Variants in DMD observed in about 807,000 individuals in gnomAD.
DMD encodes mutant dystrophin.
Under a neutral mutation model 330.1 loss-of-function variants are expected in DMD, and 63 were observed. The observed-to-expected ratio is 0.19, with a 90% CI of 0.16 to 0.24. DMD has a LOEUF of 0.24. Among genes scored for constraint, DMD ranks in the 10% least tolerant of loss-of-function variants. DMD has a pLI of 1.00. For missense variants in DMD, 3,344 were observed against 2,684.1 expected (o/e 1.25, Z -5.43); for synonymous variants, 1,223 against 959.8 (o/e 1.27, Z -5.07).
chrX:32,453,470 T>A (rs2098342212), intron 26 of DMD, among the ~76,000 whole-genome samples: 1 of 111,185 alleles, frequency 9.0e-6, no homozygotes, highest in Non-Finnish European at 1.9e-5. Flanking sequence ...GTATGACAGA[T>A]TCGATATTTA....
intron 7 of DMD, among the ~76,000 whole-genome samples, chrX:32,777,565 A>G (rs111384723): frequency 0.02 from 2,204 of 111,006 alleles, 68 homozygotes; most frequent in African/African-American, 0.069. Context: ...ATAAACAAGA[A>G]TAAGACCTCT....
At chrX:32,853,349 TAAG>T (rs945220069) in intron 2 of DMD, among the ~76,000 whole-genome samples, 28 of 112,141 alleles carry the variant, frequency 2.5e-4, no homozygotes, top group South Asian at 1.1e-3. Flanking sequence ...ATATCTTGAA[TAAG>T]AAGAGTAAAA....
intron 2 of DMD, among the ~76,000 whole-genome samples, chrX:32,887,227 G>A (rs1188139940): frequency 1.8e-5 from 2 of 109,484 alleles, no homozygotes; most frequent in Non-Finnish European, 1.9e-5. Context: ...GGAGCCTGTA[G>A]TCCCAGCTAC....
intron 67 of DMD, among the ~76,000 whole-genome samples, chrX:31,201,477 G>C (rs2043465133): frequency 8.9e-6 from 1 of 112,844 alleles, no homozygotes; most frequent in Non-Finnish European, 1.9e-5. Context: ...TCAAAGCTTT[G>C]AGACTGAGAA....
intron 17 of DMD, among the ~76,000 whole-genome samples, chrX:32,521,131 TTC>T (rs963215216): frequency 9.8e-5 from 11 of 111,899 alleles, no homozygotes; most frequent in African/African-American, 3.2e-4. Context: ...TTGAACTTTA[TTC>T]TCTTACTTTT....
At chrX:31,259,788 G>A (rs1381817362) in intron 63 of DMD, among the ~76,000 whole-genome samples, 1 of 110,783 alleles carries the variant, frequency 9.0e-6, no homozygotes, top group Non-Finnish European at 1.9e-5. Flanking sequence ...TTCATTTTGT[G>A]AGAATCTATG....
At chrX:31,238,861 G>A (rs2047981817) in intron 63 of DMD, among the ~76,000 whole-genome samples, 1 of 111,808 alleles carries the variant, frequency 8.9e-6, no homozygotes, top group African/African-American at 3.3e-5. Context: ...AGGACCACAG[G>A]GAGGGAAACT....
At chrX:31,683,877 G>C (rs912391431) in intron 52 of DMD, among the ~76,000 whole-genome samples, 2 of 112,482 alleles carry the variant, frequency 1.8e-5, no homozygotes, top group Non-Finnish European at 3.8e-5. Context: ...GAAGCTCTGT[G>C]TTGTTCTTTC....
At chrX:32,225,832 A>G (rs1275502585) in intron 43 of DMD, among the ~76,000 whole-genome samples, 1 of 110,071 alleles carries the variant, frequency 9.1e-6, no homozygotes, top group Non-Finnish European at 1.9e-5. Flanking sequence ...AGATGTTGCT[A>G]TGCTTCCTGT....
chrX:31,841,119 CT>C (rs758741431), intron 48 of DMD, among the ~76,000 whole-genome samples: 1 of 111,661 alleles, frequency 9.0e-6, no homozygotes, highest in Non-Finnish European at 1.9e-5. Context: ...AAGTGCCAGT[CT>C]AGTGAACATG....
intron 61 of DMD, among the ~76,000 whole-genome samples, chrX:31,337,213 G>A (rs779195639): frequency 2.2e-4 from 24 of 110,529 alleles, no homozygotes; most frequent in South Asian, 3.9e-4. Flanking sequence ...GTGAGCCACC[G>A]CGCCCGGCCC....
At chrX:33,279,560 T>A (rs1214940186) in intron 1 of DMD, among the ~76,000 whole-genome samples, 1 of 110,815 alleles carries the variant, frequency 9.0e-6, no homozygotes, top group Non-Finnish European at 1.9e-5. Context: ...CAAGTTTTCA[T>A]TTTTTTAAGA....
At chrX:31,889,645 T>TCA (rs1335260703) in intron 47 of DMD, among the ~76,000 whole-genome samples, 39 of 67,612 alleles carry the variant, frequency 5.8e-4, no homozygotes, top group African/African-American at 2.0e-3. Context: ...TCTCTCTCTC[T>TCA]CTCACACACA....
intron 12 of DMD, among the ~76,000 whole-genome samples, chrX:32,610,589 TGA>T (rs767594971): frequency 9.1e-6 from 1 of 110,161 alleles, no homozygotes. Context: ...GCCCTCCAGT[TGA>T]GAGAGAGAGA....
intron 47 of DMD, among the ~76,000 whole-genome samples, chrX:31,926,337 T>C (rs766208702): frequency 2.7e-5 from 3 of 111,556 alleles, no homozygotes; most frequent in African/African-American, 9.8e-5. Flanking sequence ...CTTAAAGAAA[T>C]AGCTATATTA....
chrX:32,601,832 CTG>C (rs1226062949), intron 12 of DMD, among the ~76,000 whole-genome samples: 1 of 112,015 alleles, frequency 8.9e-6, no homozygotes, highest in Admixed American at 9.5e-5. Context: ...TAAGGTAAAA[CTG>C]TTTTGCATTT....
intron 1 of DMD, among the ~76,000 whole-genome samples, chrX:33,065,910 CTCAAATA>C (rs1354578697): frequency 9.0e-6 from 1 of 111,416 alleles, no homozygotes; most frequent in East Asian, 2.8e-4. Context: ...AAGGATTTGC[CTCAAATA>C]TCAAAACTAA....
chrX:32,127,270 C>T (rs1370909235), intron 44 of DMD, among the ~76,000 whole-genome samples: 1 of 111,747 alleles, frequency 8.9e-6, no homozygotes, highest in Admixed American at 9.6e-5. Context: ...CTCTTACCTC[C>T]GTTTCTTAGA....
At chrX:32,108,153 C>T (rs760315192) in intron 44 of DMD, among the ~76,000 whole-genome samples, 3 of 111,580 alleles carry the variant, frequency 2.7e-5, no homozygotes, top group African/African-American at 6.5e-5. Flanking sequence ...TGACAGCCAA[C>T]TTTTTGTTCT....
Sources: gnomAD v4.1 joint callset for allele counts (sites outside exome capture counted in the v4.1 genomes callset) on GRCh38, gnomAD v4.1.1 for gene constraint, MANE v1.5 for transcripts, NCBI Gene and HGNC (gene_info 2026-07-23, HGNC 2026-07-21) for gene names.